The following DLGAP2 variants were observed in gnomAD, a reference collection of about 807,000 sequenced individuals.
DLGAP2 encodes DLG associated protein 2, also known as disks large-associated protein 2.
Under a neutral mutation model 100.3 loss-of-function variants are expected in DLGAP2, and 26 were observed. The observed-to-expected ratio is 0.26, with a 90% CI of 0.19 to 0.36. The LOEUF (loss-of-function observed/expected upper bound fraction) is 0.36, where lower values mean the gene tolerates loss of function less well. DLGAP2 is among the 10% of genes least tolerant of loss of function. The probability of loss-of-function intolerance (pLI) is 1.00; values close to 1 mark genes in which losing one functional copy is unlikely to be tolerated. For synonymous variants in DLGAP2, 886 were observed against 630.1 expected, an observed-to-expected ratio of 1.41 and a Z score of -6.08; for missense variants, 1,858 against 1,453.2, an observed-to-expected ratio of 1.28 and a Z score of -4.53.
intron 2 of DLGAP2, among the ~76,000 whole-genome samples, chr8:1,001,139 G>A (rs1800944156): frequency 6.6e-6 from 1 of 152,192 alleles, no homozygotes; most frequent in African/African-American, 2.4e-5. Context: ...ATTCATGAGT[G>A]TGTGCCCCTT....
chr8:1,703,040 C>A lies in DLGAP2; in HGVS notation c.*1634C>A, dbSNP rs1424212789. On this transcript the variant is annotated 3_prime_UTR_variant, in exon 15 of 15. Transcript: ENST00000637795. ...CAGGGCGTTCGATGTGCGGTTGGCC[C>A]CCAGCGCGCCCTCCAGAGCTGCGGT... The A allele has an allele frequency of 6.5e-6, 1 of 152,730 alleles. No homozygotes were observed. 9.5% of individuals were successfully genotyped at this position (152,730 alleles called of 1,614,324 possible). A position where few individuals can be genotyped will look rare whatever the true frequency, so the allele number is the denominator to read the frequency against.
chr8:1,524,613 G>T (rs986612484), intron 4 of DLGAP2, among the ~76,000 whole-genome samples: 3 of 152,064 alleles, frequency 2.0e-5, no homozygotes. Flanking sequence ...CCCTCCGTGC[G>T]TTTTTGTGTC....
At chr8:1,368,232 A>C (rs532914511) in intron 3 of DLGAP2, among the ~76,000 whole-genome samples, 1 of 151,610 alleles carries the variant, frequency 6.6e-6, no homozygotes, top group East Asian at 1.9e-4. Flanking sequence ...GCAGGTGTGT[A>C]TGCATGTATG....
At chr8:999,739 G>A (rs118170261) in intron 2 of DLGAP2, among the ~76,000 whole-genome samples, 3,056 of 152,270 alleles carry the variant, frequency 0.02, 42 homozygotes, top group Non-Finnish European at 0.029. Flanking sequence ...TGGGCCTTCC[G>A]AAGTGCTGGG....
intron 6 of DLGAP2, among the ~76,000 whole-genome samples, chr8:1,605,587 G>A (rs1227243866): frequency 6.6e-6 from 1 of 152,130 alleles, no homozygotes; most frequent in African/African-American, 2.4e-5. Flanking sequence ...TTTTCAATTA[G>A]CAATCAAAGA....
chr8:1,229,283 T>G (rs1017277187), intron 2 of DLGAP2, among the ~76,000 whole-genome samples: 22 of 152,068 alleles, frequency 1.4e-4, no homozygotes, highest in South Asian at 2.1e-4. Flanking sequence ...TTTTTTTTTT[T>G]GGAATAGTTT....
At chr8:1,625,758 T>G (rs1443017688) in intron 6 of DLGAP2, among the ~76,000 whole-genome samples, 3 of 152,260 alleles carry the variant, frequency 2.0e-5, no homozygotes, top group Non-Finnish European at 4.4e-5. Flanking sequence ...ATGACCCAAA[T>G]TTCACTACCT....
chr8:1,629,687 C>G (rs576766809), intron 7 of DLGAP2, among the ~76,000 whole-genome samples: 1 of 152,324 alleles, frequency 6.6e-6, no homozygotes, highest in South Asian at 2.1e-4. Flanking sequence ...TACCAAAATA[C>G]AGCTTTAAAA....
intron 3 of DLGAP2, among the ~76,000 whole-genome samples, chr8:1,338,115 T>G (rs1801331336): frequency 6.6e-6 from 1 of 152,238 alleles, no homozygotes; most frequent in South Asian, 2.1e-4. Context: ...CCATGTGGTT[T>G]AGTTAGGAAA....
chr8:1,240,466 A>G, intron 2 of DLGAP2, among the ~76,000 whole-genome samples: 2 of 145,694 alleles, frequency 1.4e-5, no homozygotes, highest in African/African-American at 2.6e-5. Flanking sequence ...TAGTTCTCTC[A>G]CATGGCACCA....
At position 1,120,220 on chromosome 8, in the gene DLGAP2, G is replaced by T. The variant is rs1032180070; in HGVS notation, c.74-138631G>T. Among the ~76,000 whole-genome samples the T allele has an allele frequency of 4.6e-5, 7 of 152,102 alleles. No homozygotes were observed. In the South Asian group the frequency reaches 8.3e-4, roughly 18 times the overall value. ...GAGGAAGAGAGCCATCCTCCATGCAGCTGCTTCTGTGGCTCACACCCAGAC... is the reference window on the plus strand; with the variant it reads ...GAGGAAGAGAGCCATCCTCCATGCATCTGCTTCTGTGGCTCACACCCAGAC... On this transcript the variant is annotated intron_variant, in intron 2 of 14. Transcript: ENST00000637795.
At chr8:1,202,444 A>T (rs1797899731) in intron 2 of DLGAP2, among the ~76,000 whole-genome samples, 1 of 152,052 alleles carries the variant, frequency 6.6e-6, no homozygotes, top group Admixed American at 6.5e-5. Flanking sequence ...GTGTGGTTTC[A>T]GTTTGGGTTT....
intron 2 of DLGAP2, among the ~76,000 whole-genome samples, chr8:999,933 T>A (rs1289713579): frequency 6.6e-6 from 1 of 150,548 alleles, no homozygotes; most frequent in East Asian, 1.9e-4. Context: ...GAGGTGGTTT[T>A]CTTTTGCACT....
intron 6 of DLGAP2, among the ~76,000 whole-genome samples, chr8:1,578,188 G>C (rs1312040057): frequency 1.3e-5 from 2 of 152,162 alleles, no homozygotes; most frequent in African/African-American, 2.4e-5. Context: ...TGATTCAAAT[G>C]ATAAAAATGA....
intron 1 of DLGAP2, among the ~76,000 whole-genome samples, chr8:791,552 A>G (rs1025571059): frequency 1.3e-5 from 2 of 152,240 alleles, no homozygotes; most frequent in African/African-American, 4.8e-5. Flanking sequence ...CATACTGTAT[A>G]ATATGACTAT....
intron 2 of DLGAP2, among the ~76,000 whole-genome samples, chr8:1,065,314 C>A (rs995083746): frequency 1.3e-5 from 2 of 152,164 alleles, no homozygotes; most frequent in African/African-American, 4.8e-5. Context: ...CAGTAAAATT[C>A]GCATTTTTCA....
chr8:1,177,448 A>G (rs906793561), intron 2 of DLGAP2, among the ~76,000 whole-genome samples: 11 of 152,018 alleles, frequency 7.2e-5, no homozygotes, highest in African/African-American at 2.4e-4. Flanking sequence ...ATCTTTGGGC[A>G]CACCGGAGCA....
chr8:1,154,826 G>A (rs751027774), intron 2 of DLGAP2, among the ~76,000 whole-genome samples: 1 of 152,180 alleles, frequency 6.6e-6, no homozygotes, highest in South Asian at 2.1e-4. Flanking sequence ...CAAAGGCCCG[G>A]GGTGCCTTGG....
intron 3 of DLGAP2, among the ~76,000 whole-genome samples, chr8:1,353,725 C>G (rs1801786203): frequency 6.6e-6 from 1 of 151,930 alleles, no homozygotes; most frequent in Admixed American, 6.6e-5. Flanking sequence ...AAATAATTTA[C>G]TTAACGTAAG....
Sources: allele counts gnomAD v4.1 joint callset (sites outside exome capture counted in the v4.1 genomes callset), GRCh38; gene constraint gnomAD v4.1.1; transcripts MANE v1.5; gene names NCBI Gene and HGNC (gene_info 2026-07-23, HGNC 2026-07-21).